RRAGC: variants seen among roughly 807,000 people sequenced by gnomAD.
RRAGC encodes the protein Ras related GTP binding C, also known as ras-related GTP-binding protein C.
Under a neutral mutation model 37.1 loss-of-function variants are expected in RRAGC, and 8 were observed. That is an observed-to-expected ratio of 0.22 (90% CI 0.13 to 0.39). RRAGC has a LOEUF of 0.39. Among genes scored for constraint, RRAGC ranks in the 10% least tolerant of loss-of-function variants. RRAGC has a pLI of 1.00. For synonymous variants in RRAGC, 190 were observed against 181.1 expected, an observed-to-expected ratio of 1.05 and a Z score of -0.39; for missense variants, 342 against 497.6, an observed-to-expected ratio of 0.69 and a Z score of 2.98.
At position 38,855,691 on chromosome 1, in the gene RRAGC, A is replaced by G; in HGVS notation, c.641+17T>C. ...CACCTTGTTCAGGGCTTTCATATCA[A>G]ACACACATGTTGTTACCTAAGATGG... On this transcript the variant is annotated intron_variant, in intron 3 of 6. Transcript: ENST00000373001. 2 of 1,605,416 alleles carry G rather than the reference A, an allele frequency of 1.2e-6. No homozygotes were observed. Among genetic ancestry groups the G allele is most frequent in the South Asian group, 1.1e-5 (1 of 90,920 alleles).
chr1:38,856,415 T>G (rs1642168335), intron 2 of RRAGC, among the ~76,000 whole-genome samples: 1 of 152,238 alleles, frequency 6.6e-6, no homozygotes. Context: ...GGATAGGGAC[T>G]TGCCCCATTC....
At chr1:38,852,205 A>G (rs1291428067) in intron 4 of RRAGC, among the ~76,000 whole-genome samples, 169 bp downstream of exon 4, 1 of 152,238 alleles carries the variant, frequency 6.6e-6, no homozygotes, top group Non-Finnish European at 1.5e-5. Flanking sequence ...GAATTCAGAA[A>G]ATAACTTGAA....
intron 6 of RRAGC, among the ~76,000 whole-genome samples, chr1:38,840,711 G>A (rs1403169288): frequency 6.6e-6 from 1 of 152,054 alleles, no homozygotes; most frequent in African/African-American, 2.4e-5. Flanking sequence ...AGCACAGGTG[G>A]AAGACAGGAA....
intron 5 of RRAGC, among the ~76,000 whole-genome samples, chr1:38,848,741 T>C (rs1348008778): frequency 3.3e-5 from 5 of 152,040 alleles, no homozygotes; most frequent in Admixed American, 2.0e-4. Flanking sequence ...TCCCAGCACT[T>C]TGGGAGACTA....
chr1:38,852,365 C>T lies in RRAGC; in HGVS notation c.756+9G>A. On this transcript the variant is annotated intron_variant, in intron 4 of 6. Coordinates refer to ENST00000373001, the MANE Select transcript of RRAGC (RefSeq NM_022157.4). Reference sequence around the variant, plus strand: ...GCTGCAGTGAATTAAATATAAATTGCTCACTTACTGATATAAAGATATTTA... The same window carrying T: ...GCTGCAGTGAATTAAATATAAATTGTTCACTTACTGATATAAAGATATTTA... 1 of 1,336,098 alleles carries T rather than the reference C, an allele frequency of 7.5e-7. No individual in the cohort carries two copies. Among genetic ancestry groups the T allele is most frequent in the Non-Finnish European group, 1.1e-6 (1 of 930,670 alleles). The allele number at this position is 1,336,098 out of a possible 1,614,324, so 82.8% of individuals were successfully genotyped here.
At chr1:38,847,383 G>A (rs1234314991) in intron 5 of RRAGC, 3 of 152,058 alleles carry the variant, frequency 2.0e-5, no homozygotes, top group African/African-American at 7.3e-5. Flanking sequence ...GCTGAGGTGG[G>A]AGGAATGCTT....
chr1:38,840,203 G>A (rs990186595), intron 6 of RRAGC, among the ~76,000 whole-genome samples: 1 of 149,890 alleles, frequency 6.7e-6, no homozygotes, highest in African/African-American at 2.5e-5. Context: ...CCATCATAAC[G>A]TTCTGCTAGA....
intron 3 of RRAGC, among the ~76,000 whole-genome samples, chr1:38,853,849 A>G (rs963143264): frequency 5.3e-5 from 8 of 152,160 alleles, no homozygotes; most frequent in Non-Finnish European, 8.8e-5. Flanking sequence ...AGGTAAGGCC[A>G]AGATGACCCC....
chr1:38,858,599 G>C (rs1642196092), intron 1 of RRAGC, among the ~76,000 whole-genome samples: 1 of 152,206 alleles, frequency 6.6e-6, no homozygotes, highest in Admixed American at 6.5e-5. Context: ...TCGGGAGGCT[G>C]AGGCGGGAGA....
At chr1:38,858,811 A>G (rs1002153591) in intron 1 of RRAGC, among the ~76,000 whole-genome samples, 3 of 152,254 alleles carry the variant, frequency 2.0e-5, no homozygotes, top group African/African-American at 7.2e-5. Context: ...CAGATTTTTA[A>G]AAACACACCC....
intron 6 of RRAGC, among the ~76,000 whole-genome samples, chr1:38,842,255 G>A (rs1175072238): frequency 6.6e-6 from 1 of 152,198 alleles, no homozygotes; most frequent in African/African-American, 2.4e-5. Context: ...CTGGGTGACA[G>A]AGCGAGACTC....
chr1:38,857,475 G>A (rs1165212390), intron 1 of RRAGC, among the ~76,000 whole-genome samples: 1 of 152,192 alleles, frequency 6.6e-6, no homozygotes, highest in Non-Finnish European at 1.5e-5. Context: ...TTACTTGAAT[G>A]CCTACCTCAG....
intron 6 of RRAGC, 88 bp downstream of exon 6, chr1:38,845,850 CT>C: frequency 1.8e-6 from 2 of 1,118,830 alleles, no homozygotes; most frequent in South Asian, 3.3e-5. Context: ...TTGTCTAACA[CT>C]GCAATTATTA....
chr1:38,856,126 A>C (rs1046575264), intron 2 of RRAGC, among the ~76,000 whole-genome samples: 23 of 152,156 alleles, frequency 1.5e-4, no homozygotes, highest in African/African-American at 5.3e-4. Context: ...TTTTAATATT[A>C]ATTTAAGAAA....
intron 1 of RRAGC, 27 bp from the exon 2 acceptor site, chr1:38,857,109 T>G: frequency 6.6e-7 from 1 of 1,508,046 alleles, no homozygotes; most frequent in South Asian, 1.1e-5. Context: ...GGCAATTTTA[T>G]GACTATTAAA....
chr1:38,844,253 G>C (rs1642002569), intron 6 of RRAGC, among the ~76,000 whole-genome samples: 1 of 151,996 alleles, frequency 6.6e-6, no homozygotes, highest in South Asian at 2.1e-4. Flanking sequence ...TGACGTTGAA[G>C]GTAACATTCA....
chr1:38,849,372 T>A (rs1642067943), intron 5 of RRAGC, among the ~76,000 whole-genome samples: 1 of 152,192 alleles, frequency 6.6e-6, no homozygotes. Flanking sequence ...TAATATAATG[T>A]ACTTTATTAT....
At position 38,859,674 on chromosome 1, in the gene RRAGC, C is replaced by A; in HGVS notation, c.-28G>T. The stretch of plus-strand genomic sequence containing the variant: ...TGCTGGAGCCGCCGCCGCCCGCGCC[C>A]TGACAGGCCAGGCCAGGCCGAGCCA... On this transcript the variant is annotated 5_prime_UTR_variant, in exon 1 of 7. The change creates a new upstream start codon in the 5' untranslated region. Coordinates refer to ENST00000373001, the MANE Select transcript of RRAGC (RefSeq NM_022157.4). The A allele has an allele frequency of 6.6e-7, 1 of 1,525,500 alleles. No homozygotes were observed. The highest frequency in any genetic ancestry group is 2.5e-5 in the East Asian group (1 of 39,294). 94.5% of individuals were successfully genotyped at this position (1,525,500 alleles called of 1,614,324 possible). A position where few individuals can be genotyped will look rare whatever the true frequency, so the allele number is the denominator to read the frequency against.
chr1:38,846,306 T>C (rs1026201895), intron 5 of RRAGC: 6 of 449,676 alleles, frequency 1.3e-5, no homozygotes, highest in Admixed American at 8.9e-5. Flanking sequence ...TCCTTTAATA[T>C]AGATAATCAG....
Sources: allele counts gnomAD v4.1 joint callset (sites outside exome capture counted in the v4.1 genomes callset), GRCh38; gene constraint gnomAD v4.1.1; transcripts MANE v1.5; gene names NCBI Gene and HGNC (gene_info 2026-07-23, HGNC 2026-07-21).